Variants in ACSF3 observed in about 807,000 individuals in gnomAD.
ACSF3 encodes malonate--CoA ligase ACSF3, mitochondrial.
Under a neutral mutation model 53.2 loss-of-function variants are expected in ACSF3, and 78 were observed. That is an observed-to-expected ratio of 1.47 (90% CI 1.22 to 1.77). The LOEUF is 1.77. ACSF3 is among the 40% of genes most tolerant of loss of function. The probability of loss-of-function intolerance (pLI) is 0.00; values close to 1 mark genes in which losing one functional copy is unlikely to be tolerated. For missense variants in ACSF3, 937 were observed against 771.1 expected (o/e 1.22, Z -2.55); for synonymous variants, 414 against 333.1 (o/e 1.24, Z -2.65).
intron 6 of ACSF3, chr16:89,114,912 G>T: frequency 3.0e-6 from 1 of 338,170 alleles, no homozygotes. Flanking sequence ...AGAGGTGGGT[G>T]TGGTGGGCAG....
intron 4 of ACSF3, among the ~76,000 whole-genome samples, chr16:89,111,366 T>G (rs1976656580): frequency 6.6e-6 from 1 of 152,256 alleles, no homozygotes; most frequent in Non-Finnish European, 1.5e-5. Flanking sequence ...GGGGCTGGAC[T>G]GTGGCATCGG....
At chr16:89,100,501 G>C (rs1036800820) in intron 2 of ACSF3, 161 bp from the exon 3 acceptor site, 4 of 686,978 alleles carry the variant, frequency 5.8e-6, no homozygotes, top group African/African-American at 5.3e-5. Context: ...CAGCAGTGTG[G>C]GTGAGAAAGG....
At position 89,154,675 on chromosome 16, in the gene ACSF3, C is replaced by A. The variant is rs1268759479; in HGVS notation, c.*468C>A. On this transcript the variant is annotated 3_prime_UTR_variant, in exon 11 of 11. Coordinates refer to ENST00000614302, the MANE Select transcript of ACSF3 (RefSeq NM_001243279.3). ...CACATAGGAGGTCTGGGCAGCCACCCAGGGGGCCCTCCTGGGAGGAGCTGA... is the reference window on the plus strand; with the variant it reads ...CACATAGGAGGTCTGGGCAGCCACCAAGGGGGCCCTCCTGGGAGGAGCTGA... The A allele has an allele frequency of 2.2e-6, 1 of 454,098 alleles. No individual in the cohort carries two copies. The highest frequency in any genetic ancestry group is 7.0e-5 in the East Asian group (1 of 14,380). The allele number at this position is 454,098 out of a possible 1,614,324, so 28.1% of individuals were successfully genotyped here. A position where few individuals can be genotyped will look rare whatever the true frequency, so the allele number is the denominator to read the frequency against.
intron 7 of ACSF3, among the ~76,000 whole-genome samples, chr16:89,123,082 G>A (rs1295734093): frequency 1.3e-5 from 2 of 152,208 alleles, no homozygotes; most frequent in Admixed American, 6.5e-5. Context: ...TGCATCTGCT[G>A]ACAGCAGGCC....
In ACSF3 at chr16:89,154,416, G is replaced by C. The variant is rs750513124; in HGVS notation, c.*209G>C. 3.0e-5 allele frequency: 20 copies of C among 676,630 alleles called. No individual in the cohort carries two copies. The highest frequency in any genetic ancestry group is 1.6e-4 in the Admixed American group (8 of 48,958). The allele number at this position is 676,630 out of a possible 1,614,324, so 41.9% of individuals were successfully genotyped here. On this transcript the variant is annotated 3_prime_UTR_variant, in exon 11 of 11. Transcript: ENST00000614302. ...TTGCAGCTCAAGGAGACCGTCCCTGGTGTCACCTCTGCCTGGTCACCGCCG... is the reference window on the plus strand; with the variant it reads ...TTGCAGCTCAAGGAGACCGTCCCTGCTGTCACCTCTGCCTGGTCACCGCCG...
chr16:89,119,052 A>G (rs1490215769), intron 6 of ACSF3, among the ~76,000 whole-genome samples: 1 of 150,230 alleles, frequency 6.7e-6, no homozygotes, highest in Non-Finnish European at 1.5e-5. Flanking sequence ...CCCTGCCTCA[A>G]GCTTTCATGG....
At chr16:89,153,986 G>C (rs1597281346) in intron 10 of ACSF3, 104 bp from the exon 11 acceptor site, 2 of 1,238,366 alleles carry the variant, frequency 1.6e-6, no homozygotes, top group African/African-American at 1.5e-5. Flanking sequence ...CGCCTGGCAA[G>C]GCTGCAGGGT....
At position 89,098,618 on chromosome 16, in the gene ACSF3, C is replaced by A. The variant is rs545395061; in HGVS notation, c.-166C>A. On this transcript the variant is annotated 5_prime_UTR_variant, in exon 2 of 11. Coordinates refer to ENST00000614302, the MANE Select transcript of ACSF3 (RefSeq NM_001243279.3). Reference sequence around the variant, plus strand: ...GTCCCACCGGCCTTCCGGGTTCCAGCGCCAGGCCTGGTGCCTGCCCCAGGA... The same window carrying A: ...GTCCCACCGGCCTTCCGGGTTCCAGAGCCAGGCCTGGTGCCTGCCCCAGGA... The A allele has an allele frequency of 6.6e-6, 3 of 452,870 alleles. No homozygotes were observed. Among genetic ancestry groups the A allele is most frequent in the Non-Finnish European group, 8.9e-6 (2 of 225,770 alleles). The allele number at this position is 452,870 out of a possible 1,614,324, so 28.1% of individuals were successfully genotyped here.
At chr16:89,149,350 A>G (rs1913685837) in intron 10 of ACSF3, 1 of 152,178 alleles carries the variant, frequency 6.6e-6, no homozygotes, top group Admixed American at 6.5e-5. Context: ...TCCCTGTACC[A>G]GTTTTCTGTG....
chr16:89,105,060 C>A (rs1975804101), intron 4 of ACSF3, among the ~76,000 whole-genome samples: 1 of 150,872 alleles, frequency 6.6e-6, no homozygotes, highest in African/African-American at 2.4e-5. Flanking sequence ...CCAGGGTCAC[C>A]TCCTGAAGAG....
chr16:89,099,242 A>G (rs1235580098), intron 2 of ACSF3, among the ~76,000 whole-genome samples: 2 of 152,242 alleles, frequency 1.3e-5, no homozygotes, highest in Non-Finnish European at 2.9e-5. Flanking sequence ...TGCATGTTGC[A>G]GAATTGGACC....
At chr16:89,149,483 C>T (rs934290664) in intron 10 of ACSF3, 1 of 152,146 alleles carries the variant, frequency 6.6e-6, no homozygotes, top group South Asian at 2.1e-4. Flanking sequence ...CCCACACACT[C>T]GACCCACTGG....
At position 89,100,709 on chromosome 16, in the gene ACSF3, C is replaced by T. The variant is rs202182978; in HGVS notation, c.28C>T (p.Arg10Trp). 2.2e-4 allele frequency: 351 copies of T among 1,601,370 alleles called. No homozygotes were observed. The highest frequency in any genetic ancestry group is 2.8e-4 in the Non-Finnish European group (326 of 1,179,560). ...GCTGCCCCATGTGGTGCTCACCTTC[C>T]GGCGCCTGGGCTGCGCCTTGGCGTC... MLPHVVLTF[R>W]RLGCALASCR... Residue 10 changes from arginine (R) to tryptophan (W), a missense_variant, in exon 3 of 11, where the codon CGG becomes TGG. Coordinates refer to ENST00000614302, the MANE Select transcript of ACSF3 (RefSeq NM_001243279.3).
chr16:89,131,545 C>T (rs576143698), intron 7 of ACSF3, among the ~76,000 whole-genome samples: 3 of 151,594 alleles, frequency 2.0e-5, no homozygotes, highest in Non-Finnish European at 4.4e-5. Context: ...TTGTATTGTA[C>T]CCTGGATATT....
intron 6 of ACSF3, among the ~76,000 whole-genome samples, chr16:89,118,596 G>C (rs769074875): frequency 6.6e-6 from 1 of 152,276 alleles, no homozygotes; most frequent in South Asian, 2.1e-4. Flanking sequence ...GAGCTCTGTC[G>C]TGTGTTATGG....
At position 89,145,385 on chromosome 16, in the gene ACSF3, C is replaced by T; in HGVS notation, c.1485C>T (p.Ala495=). The part of the protein sequence containing the change: ...SALEVEWHLL[A]HPSITDVAVI... Reference sequence around the variant, plus strand: ...TGGAGGTGGAGTGGCACCTGCTGGCCCACCCCAGCATCACAGGTGCGTGGC... The same window carrying T: ...TGGAGGTGGAGTGGCACCTGCTGGCTCACCCCAGCATCACAGGTGCGTGGC... Residue 495 remains alanine, a synonymous_variant, in exon 9 of 11, where the codon GCC becomes GCT. Coordinates refer to ENST00000614302, the MANE Select transcript of ACSF3 (RefSeq NM_001243279.3). 1.2e-6 allele frequency: 2 copies of T among 1,614,100 alleles called. No individual in the cohort carries two copies. The highest frequency in any genetic ancestry group is 1.1e-5 in the South Asian group (1 of 91,090).
At position 89,101,065 on chromosome 16, in the gene ACSF3, G is replaced by C; in HGVS notation, c.384G>C (p.Lys128Asn). ...SGGVAVPLYR[K>N]HPAAQLEYVI... ...GTGTGGCAGTCCCCCTCTACAGGAA[G>C]CATCCCGCGGCCCAGCTGGAGTATG... is the stretch of plus-strand genomic sequence containing the variant. Residue 128 changes from lysine to asparagine, a missense_variant, in exon 3 of 11, where the codon AAG becomes AAC. Lys to Asn is a moderately conservative substitution (Grantham distance 94, BLOSUM62 0). Transcript: ENST00000614302. The C allele has an allele frequency of 6.2e-7, 1 of 1,614,046 alleles. No individual in the cohort carries two copies. The highest frequency in any genetic ancestry group is 1.1e-5 in the South Asian group (1 of 91,088).
intron 8 of ACSF3, chr16:89,141,189 C>A (rs570826722): frequency 7.8e-7 from 1 of 1,287,104 alleles, no homozygotes; most frequent in Non-Finnish European, 1.0e-6. Context: ...ACCCTGGCTC[C>A]GATGCCTCTG....
intron 3 of ACSF3, 124 bp from the exon 4 acceptor site, chr16:89,102,480 G>C (rs1975461444): frequency 2.6e-6 from 3 of 1,144,524 alleles, no homozygotes; most frequent in Non-Finnish European, 3.8e-6. Context: ...CAAAGAGCCA[G>C]CCTTCTCCTT....
Sources: allele counts gnomAD v4.1 joint callset (sites outside exome capture counted in the v4.1 genomes callset), GRCh38; gene constraint gnomAD v4.1.1; transcripts MANE v1.5; gene names NCBI Gene and HGNC (gene_info 2026-07-23, HGNC 2026-07-21).